The following ATXN2 variants were observed in gnomAD, a reference collection of about 807,000 sequenced individuals.
The protein encoded by ATXN2 is ataxin-2.
A neutral mutation model predicts 138.6 loss-of-function variants in ATXN2; 37 were observed. The ratio of observed to expected loss-of-function variants is 0.27; its 90% CI spans 0.21 to 0.35. ATXN2 has a LOEUF of 0.35. Ranked by LOEUF, ATXN2 falls within the 10% of genes least tolerant of loss-of-function variation. The pLI, the probability that ATXN2 is intolerant of heterozygous loss-of-function variation, is 1.00. For missense variants in ATXN2, 1,216 were observed against 1,480.3 expected (o/e 0.82, Z 2.93); for synonymous variants, 549 against 543.7 (o/e 1.01, Z -0.13).
intron 5 of ATXN2, among the ~76,000 whole-genome samples, chr12:111,534,410 A>G (rs1881027382): frequency 6.6e-6 from 1 of 152,164 alleles, no homozygotes; most frequent in South Asian, 2.1e-4. Context: ...TATAAAAAAT[A>G]TATACATGTA....
At chr12:111,455,911 G>A in intron 23 of ATXN2, 118 bp downstream of exon 23, 1 of 981,518 alleles carries the variant, frequency 1.0e-6, no homozygotes, top group Non-Finnish European at 1.6e-6. Context: ...GAGGGAAAGG[G>A]AGACAGGCAA....
rs1347665129 is a variant in ATXN2, at chr12:111,552,619, GTT to G, written c.421-191_421-190del. The G allele has an allele frequency of 1.1e-5, 7 of 652,154 alleles. No individual in the cohort carries two copies. In the East Asian group the frequency reaches 2.2e-4, roughly 21 times the overall value. 40.4% of individuals were successfully genotyped at this position (652,154 alleles called of 1,614,324 possible). ...CATTTAAAAATCCTCATATCTAAAT[GTT>G]TTTTGTTTCTATGGTTTGTCTTAAG... On this transcript the variant is annotated intron_variant, in intron 4 of 24. Transcript: ENST00000673436. The surrounding 1 kb of genome is among the most constrained non-coding windows in gnomAD (Gnocchi z 4.1).
At chr12:111,503,401 A>G (rs1878904801) in intron 14 of ATXN2, among the ~76,000 whole-genome samples, 1 of 152,212 alleles carries the variant, frequency 6.6e-6, no homozygotes, top group Admixed American at 6.5e-5. Context: ...CACAGTGCAG[A>G]TACAAACAGA....
intron 19 of ATXN2, 28 bp downstream of exon 19, chr12:111,470,530 A>C: frequency 6.2e-7 from 1 of 1,604,878 alleles, no homozygotes; most frequent in South Asian, 1.1e-5. Context: ...TGGTACAAAA[A>C]TTAAGAGTTA....
chr12:111,545,302 G>GA (rs957117299), intron 5 of ATXN2, among the ~76,000 whole-genome samples: 1 of 147,752 alleles, frequency 6.8e-6, no homozygotes, highest in Admixed American at 6.8e-5. Flanking sequence ...AGAGCAAGGA[G>GA]AAAAAAAAAG....
intron 1 of ATXN2, among the ~76,000 whole-genome samples, chr12:111,587,310 T>G (rs1884398022): frequency 6.6e-6 from 1 of 152,030 alleles, no homozygotes; most frequent in African/African-American, 2.4e-5. Flanking sequence ...CTTAGAAAAA[T>G]TATTAAGAAT....
chr12:111,526,294 T>A lies in ATXN2; in HGVS notation c.572-978A>T, dbSNP rs1880497815. The stretch of plus-strand genomic sequence containing the variant: ...TCGTTTGAACCCGGGAGGTGGAGGT[T>A]GCAATGAATGGAGATCACGCCACTG... On this transcript the variant is annotated intron_variant, in intron 5 of 24. Coordinates refer to ENST00000673436, the MANE Select transcript of ATXN2 (RefSeq NM_001372574.1). Among the ~76,000 whole-genome samples the A allele has an allele frequency of 2.7e-5, 4 of 150,816 alleles. No homozygotes were observed. The South Asian group carries it at 8.4e-4, about 32-fold the overall frequency.
intron 1 of ATXN2, among the ~76,000 whole-genome samples, chr12:111,586,478 C>T (rs1414334342): frequency 6.6e-6 from 1 of 151,144 alleles, no homozygotes; most frequent in East Asian, 1.9e-4. Context: ...CTCTGCCTCC[C>T]GGGTTCAAGC....
chr12:111,516,028 A>C lies in ATXN2; in HGVS notation c.1375+126T>G. 1.1e-6 allele frequency: 1 copy of C among 916,076 alleles called. No individual in the cohort carries two copies. The highest frequency in any genetic ancestry group is 1.9e-5 in the South Asian group (1 of 51,598). The allele number at this position is 916,076 out of a possible 1,614,324, so 56.7% of individuals were successfully genotyped here. A position where few individuals can be genotyped will look rare whatever the true frequency, so the allele number is the denominator to read the frequency against. ...AAGGTTAATAGAAATAGTTTTAATA[A>C]ACTAAAGTTAAAACACAGAAATTAT... On this transcript the variant is annotated intron_variant, in intron 10 of 24. Transcript: ENST00000673436. This position sits in a 1 kb window ranked among gnomAD's most constrained non-coding sequence, Gnocchi z 5.0.
At chr12:111,564,295 T>C (rs1430138341) in intron 1 of ATXN2, among the ~76,000 whole-genome samples, 1 of 151,602 alleles carries the variant, frequency 6.6e-6, no homozygotes, top group East Asian at 1.9e-4. Flanking sequence ...CCTAATGAAT[T>C]AACAGCCCAA....
chr12:111,517,714 T>C (rs565084895), intron 9 of ATXN2, among the ~76,000 whole-genome samples: 2 of 152,312 alleles, frequency 1.3e-5, no homozygotes, highest in East Asian at 3.9e-4. Flanking sequence ...GGGTTGTTTT[T>C]GTTGTTTTTT....
chr12:111,561,371 A>G (rs1389378910), intron 1 of ATXN2, among the ~76,000 whole-genome samples: 1 of 151,306 alleles, frequency 6.6e-6, no homozygotes, highest in Non-Finnish European at 1.5e-5. Context: ...GCAGGCGCCT[A>G]TAATCCCAAC....
Position 111,570,007 on chromosome 12 carries a change from T to C in ATXN2, c.252-14088A>G, listed in dbSNP as rs151161811. Among the ~76,000 whole-genome samples the C allele has an allele frequency of 2.7e-3, 404 of 152,278 alleles. 1 individual carries two copies. Among genetic ancestry groups the C allele is most frequent in the African/African-American group, 9.0e-3 (375 of 41,564 alleles). ...TGGCAGCTAAGCACTTGAAATACGA[T>C]TAGTATGGCTGAGGAACTGAAATAT... On this transcript the variant is annotated intron_variant, in intron 1 of 24. Coordinates refer to ENST00000673436, the MANE Select transcript of ATXN2 (RefSeq NM_001372574.1).
At chr12:111,471,570 T>C (rs1261875723) in intron 18 of ATXN2, 3 of 152,188 alleles carry the variant, frequency 2.0e-5, no homozygotes, top group Non-Finnish European at 2.9e-5. Flanking sequence ...ACAAAGAATA[T>C]AGAACTTGTT....
At chr12:111,457,183 C>T in intron 22 of ATXN2, 31 bp downstream of exon 22, 1 of 1,586,368 alleles carries the variant, frequency 6.3e-7, no homozygotes. Flanking sequence ...ATAAAGAAGC[C>T]ACTCCATGCA....
intron 21 of ATXN2, among the ~76,000 whole-genome samples, chr12:111,460,866 C>T (rs1352090442): frequency 2.6e-5 from 4 of 152,218 alleles, no homozygotes; most frequent in Non-Finnish European, 4.4e-5. Context: ...GACTATAATA[C>T]GGTTTTCTAA....
chr12:111,557,776 T>G (rs1473546089), intron 1 of ATXN2, among the ~76,000 whole-genome samples: 1 of 152,172 alleles, frequency 6.6e-6, no homozygotes, highest in Admixed American at 6.5e-5. Flanking sequence ...TCAAACATCA[T>G]TTGAATTTAC....
intron 18 of ATXN2, among the ~76,000 whole-genome samples, chr12:111,483,736 T>C (rs1274297952): frequency 6.6e-6 from 1 of 152,164 alleles, no homozygotes; most frequent in Non-Finnish European, 1.5e-5. Flanking sequence ...TACTAGTTTA[T>C]GCAACTACAT....
chr12:111,529,512 C>CT (rs1880693656), intron 5 of ATXN2, among the ~76,000 whole-genome samples: 2 of 152,154 alleles, frequency 1.3e-5, no homozygotes, highest in African/African-American at 4.8e-5. Context: ...ATTGTATCAC[C>CT]TCCAGCCCCT....
Sources: allele counts gnomAD v4.1 joint callset (sites outside exome capture counted in the v4.1 genomes callset), GRCh38; gene constraint gnomAD v4.1.1; non-coding constraint Gnocchi (gnomAD v3.1); transcripts MANE v1.5; gene names NCBI Gene and HGNC (gene_info 2026-07-23, HGNC 2026-07-21).